The following ASIC2 variants were observed in gnomAD, a reference collection of about 807,000 sequenced individuals.
The protein encoded by ASIC2 is acid sensing ion channel subunit 2, also known as acid-sensing ion channel 2.
ASIC2 carries 25 observed loss-of-function variants against 57.3 expected under a neutral mutation model. That is an observed-to-expected ratio of 0.44 (90% CI 0.32 to 0.61). ASIC2 has a LOEUF of 0.61. Among genes scored for constraint, ASIC2 ranks in the 20% least tolerant of loss-of-function variants. The pLI is 0.06. For synonymous variants in ASIC2, 319 were observed against 307.5 expected (o/e 1.04, Z -0.39); for missense variants, 641 against 738.1 (o/e 0.87, Z 1.52).
intron 3 of ASIC2, among the ~76,000 whole-genome samples, chr17:33,035,274 A>G (rs190426072): frequency 2.6e-4 from 40 of 152,310 alleles, no homozygotes; most frequent in Non-Finnish European, 2.9e-5. Context: ...GCTGTTTTCT[A>G]ATTCTAACAT....
At chr17:33,032,689 C>T (rs1202430408) in intron 3 of ASIC2, among the ~76,000 whole-genome samples, 1 of 152,102 alleles carries the variant, frequency 6.6e-6, no homozygotes, top group Non-Finnish European at 1.5e-5. Flanking sequence ...CCTCAAATGA[C>T]CTACCTGCCT....
intron 1 of ASIC2, among the ~76,000 whole-genome samples, chr17:34,025,580 T>G (rs1423379038): frequency 1.3e-5 from 2 of 152,254 alleles, no homozygotes; most frequent in East Asian, 3.8e-4. Flanking sequence ...ATGACTTATA[T>G]TTCAGAAAAA....
At chr17:33,015,618 C>T (rs2091801550) in intron 9 of ASIC2, among the ~76,000 whole-genome samples, 1 of 152,238 alleles carries the variant, frequency 6.6e-6, no homozygotes. Context: ...TGTACTTTGC[C>T]ACCACTGGGG....
Position 33,710,684 on chromosome 17 carries a change from T to TAG in ASIC2, c.555+445293_555+445294insCT, listed in dbSNP as rs534242170. Among the ~76,000 whole-genome samples the TAG allele has an allele frequency of 2.6e-3, 390 of 152,316 alleles. 1 individual carries two copies. The highest frequency in any genetic ancestry group is 4.1e-3 in the Non-Finnish European group (279 of 68,020). On this transcript the variant is annotated intron_variant, in intron 1 of 9. Transcript: ENST00000359872. The stretch of plus-strand genomic sequence containing the variant: ...GGCCCTTAAAGATTATATAAACTAA[T>TAG]CATCTGATTTTACAAATATGAAAAC...
chr17:33,610,787 TG>T (rs1905381144), intron 1 of ASIC2, among the ~76,000 whole-genome samples: 1 of 152,110 alleles, frequency 6.6e-6, no homozygotes, highest in African/African-American at 2.4e-5. Context: ...ACCAGATCCT[TG>T]GGAGGCTGAG....
intron 1 of ASIC2, among the ~76,000 whole-genome samples, chr17:33,371,017 A>G (rs903242365): frequency 1.3e-5 from 2 of 152,242 alleles, no homozygotes; most frequent in Non-Finnish European, 2.9e-5. Context: ...ATGCTTCTTT[A>G]TATACAGGAT....
chr17:33,831,265 T>G (rs2141900708), intron 1 of ASIC2, among the ~76,000 whole-genome samples: 1 of 152,042 alleles, frequency 6.6e-6, no homozygotes, highest in Admixed American at 6.6e-5. Context: ...GGCCTGCTCA[T>G]ACATATCCCA....
At chr17:33,481,136 T>A (rs1359037876) in intron 1 of ASIC2, among the ~76,000 whole-genome samples, 7 of 152,188 alleles carry the variant, frequency 4.6e-5, no homozygotes, top group Non-Finnish European at 1.0e-4. Flanking sequence ...ACCTTTCACC[T>A]TTTCTGGTGC....
intron 1 of ASIC2, among the ~76,000 whole-genome samples, chr17:33,411,500 T>C (rs1386155673): frequency 1.3e-5 from 2 of 152,196 alleles, no homozygotes; most frequent in African/African-American, 4.8e-5. Flanking sequence ...TGAGCCTTCC[T>C]GCTGGGCTGA....
rs545921421 is a variant in ASIC2 at position 33,487,741 on chromosome 17, A to G, written c.556-375674T>C. On this transcript the variant is annotated intron_variant, in intron 1 of 9. Transcript: ENST00000359872. ...AGCGTGGCCAGAATAAAGAAGGCAG[A>G]AGATGGAAGAGCAGGCTTGCTGAGT... is the stretch of plus-strand genomic sequence containing the variant. Among the ~76,000 whole-genome samples the G allele has an allele frequency of 2.0e-5, 3 of 152,320 alleles. No individual in the cohort carries two copies. In the South Asian group the frequency reaches 6.2e-4, roughly 32 times the overall value.
intron 1 of ASIC2, among the ~76,000 whole-genome samples, chr17:34,010,954 GCAGT>G (rs1597972574): frequency 1.0e-5 from 1 of 97,132 alleles, no homozygotes. Context: ...ACAGATTCCT[GCAGT>G]CAGACACATG....
intron 1 of ASIC2, among the ~76,000 whole-genome samples, chr17:33,827,337 C>CTTTTTTTTT (rs375695905): frequency 0.16 from 12,456 of 76,232 alleles, 3,215 homozygotes; most frequent in East Asian, 0.23. Flanking sequence ...GCAGCTCACT[C>CTTTTTTTTT]TTTTTTTTTT....
At chr17:33,251,799 T>C (rs938986817) in intron 1 of ASIC2, among the ~76,000 whole-genome samples, 1 of 152,168 alleles carries the variant, frequency 6.6e-6, no homozygotes, top group Non-Finnish European at 1.5e-5. Context: ...CAAACTCAGA[T>C]CTGTATTCAA....
At chr17:33,868,181 ATG>A (rs142553706) in intron 1 of ASIC2, among the ~76,000 whole-genome samples, 43,408 of 150,102 alleles carry the variant, frequency 0.29, 6,944 homozygotes, top group East Asian at 0.62. Flanking sequence ...CAACAAATGT[ATG>A]TGTGTGTGTG....
At chr17:33,021,357 T>C in intron 6 of ASIC2, 47 bp from the exon 7 acceptor site, 1 of 1,440,980 alleles carries the variant, frequency 6.9e-7, no homozygotes, top group Non-Finnish European at 9.6e-7. Context: ...GCTATCAGCA[T>C]TCACAGGGAG....
intron 1 of ASIC2, among the ~76,000 whole-genome samples, chr17:33,237,823 A>G (rs2142115816): frequency 6.6e-6 from 1 of 152,312 alleles, no homozygotes. Context: ...GCTAACTGAC[A>G]TGGCTGGGGT....
chr17:33,017,561 C>T, intron 8 of ASIC2, 44 bp downstream of exon 8: 1 of 1,542,674 alleles, frequency 6.5e-7, no homozygotes, highest in Non-Finnish European at 8.9e-7. Flanking sequence ...ACGATGAGGG[C>T]ACCAGCATGC....
chr17:33,405,711 T>C (rs1910449842), intron 1 of ASIC2, among the ~76,000 whole-genome samples: 1 of 152,034 alleles, frequency 6.6e-6, no homozygotes, highest in Admixed American at 6.6e-5. Flanking sequence ...CTCGAACCCC[T>C]GACCTGGTGA....
chr17:33,561,666 G>T (rs1567650755), intron 1 of ASIC2, among the ~76,000 whole-genome samples: 1 of 152,162 alleles, frequency 6.6e-6, no homozygotes, highest in Non-Finnish European at 1.5e-5. Context: ...TAGGGGGCGT[G>T]AGCTAGAACA....
Sources: gnomAD v4.1 joint callset for allele counts (sites outside exome capture counted in the v4.1 genomes callset) on GRCh38, gnomAD v4.1.1 for gene constraint, MANE v1.5 for transcripts, NCBI Gene and HGNC (gene_info 2026-07-23, HGNC 2026-07-21) for gene names.